Variants in SUFU observed in about 807,000 individuals in gnomAD.
SUFU encodes SUFU negative regulator of hedgehog signaling.
Under a neutral mutation model 58.9 loss-of-function variants are expected in SUFU, and 7 were observed. The observed-to-expected ratio is 0.12, with a 90% CI of 0.07 to 0.22. The LOEUF is 0.22. SUFU is among the 10% of genes least tolerant of loss of function. SUFU has a pLI of 1.00. For missense variants in SUFU, 451 were observed against 641.3 expected (o/e 0.70, Z 3.20); for synonymous variants, 232 against 254.8 (o/e 0.91, Z 0.85).
intron 3 of SUFU, among the ~76,000 whole-genome samples, chr10:102,552,579 G>C (rs1393573773): frequency 2.6e-5 from 4 of 152,084 alleles, no homozygotes; most frequent in Admixed American, 2.6e-4. Flanking sequence ...GAAAAAAAAG[G>C]GTCATTTTTT....
rs187067190 is a variant in SUFU, at chr10:102,565,339, G to A, written c.454+15233G>A. ...CTCTGTGAGATTTCAGAGGTCCCGA[G>A]AAATGAGTTGCCTTAGCTGGGTCCT... On this transcript the variant is annotated intron_variant, in intron 3 of 11. Coordinates refer to ENST00000369902, the MANE Select transcript of SUFU (RefSeq NM_016169.4). 2.5e-3 allele frequency among the ~76,000 whole-genome samples: 385 copies of A among 152,318 alleles called. 2 individuals carry two copies. Among genetic ancestry groups the A allele is most frequent in the Middle Eastern group, 3.4e-3 (1 of 294 alleles).
Position 102,551,915 on chromosome 10 carries a change from C to T in SUFU, c.454+1809C>T, listed in dbSNP as rs913298472. Among the ~76,000 whole-genome samples the T allele has an allele frequency of 4.6e-5, 7 of 151,022 alleles. 1 individual carries two copies. The highest frequency in any genetic ancestry group is 7.4e-5 in the Non-Finnish European group (5 of 67,788). The stretch of plus-strand genomic sequence containing the variant: ...AATTTTTTGTATATTTTAGTAGAGA[C>T]GGGGTTTCACCTTGTTAGCCAGGAC... On this transcript the variant is annotated intron_variant, in intron 3 of 11. Transcript: ENST00000369902.
intron 2 of SUFU, among the ~76,000 whole-genome samples, chr10:102,523,104 G>A (rs4919656): frequency 0.12 from 17,630 of 152,148 alleles, 1,487 homozygotes; most frequent in East Asian, 0.42. Flanking sequence ...CGAGATCATA[G>A]CTTCACAGCA....
Position 102,525,179 on chromosome 10 carries a change from C to T in SUFU, c.317+15876C>T, listed in dbSNP as rs547397775. Among the ~76,000 whole-genome samples the T allele has an allele frequency of 4.7e-5, 7 of 150,058 alleles. No individual in the cohort carries two copies. In the East Asian group the frequency reaches 8.1e-4, roughly 17 times the overall value. On this transcript the variant is annotated intron_variant, in intron 2 of 11. Coordinates refer to ENST00000369902, the MANE Select transcript of SUFU (RefSeq NM_016169.4). ...AGGCTGGAGTGCGGTAGTGTAATCT[C>T]GGCTCACTGCAACCTCCACCTCCTG...
At chr10:102,551,933 G>T (rs1043416964) in intron 3 of SUFU, among the ~76,000 whole-genome samples, 2 of 151,406 alleles carry the variant, frequency 1.3e-5, no homozygotes, top group Admixed American at 6.6e-5. Flanking sequence ...CACCTTGTTA[G>T]CCAGGACGGT....
rs760955559 is a variant in SUFU at position 102,592,564 on chromosome 10, C to T, written c.455-18C>T. 7 of 1,613,694 alleles carry T rather than the reference C, an allele frequency of 4.3e-6. No individual in the cohort carries two copies. The Admixed American group carries it at 6.7e-5, about 15-fold the overall frequency. On this transcript the variant is annotated intron_variant, in intron 3 of 11. Coordinates refer to ENST00000369902, the MANE Select transcript of SUFU (RefSeq NM_016169.4). Reference sequence around the variant, plus strand: ...TCTGGGGCCTTGAACAATGAGGATCCTTGTATCTCTCCCACAGAGAACACC... The same window carrying T: ...TCTGGGGCCTTGAACAATGAGGATCTTTGTATCTCTCCCACAGAGAACACC...
intron 2 of SUFU, among the ~76,000 whole-genome samples, chr10:102,538,794 G>T (rs1414059354): frequency 6.6e-6 from 1 of 152,140 alleles, no homozygotes; most frequent in Non-Finnish European, 1.5e-5. Flanking sequence ...GATAAGAAGA[G>T]AAGTAAACTC....
chr10:102,608,053 C>G (rs866731136), intron 8 of SUFU, among the ~76,000 whole-genome samples: 3 of 151,684 alleles, frequency 2.0e-5, no homozygotes, highest in African/African-American at 7.3e-5. Flanking sequence ...GATAAAACCC[C>G]ATCTCTACAA....
At chr10:102,624,241 A>G (rs1379529055) in intron 10 of SUFU, among the ~76,000 whole-genome samples, 1 of 152,208 alleles carries the variant, frequency 6.6e-6, no homozygotes, top group Non-Finnish European at 1.5e-5. Flanking sequence ...CTTTTCCCAC[A>G]GTTGCATCAC....
Position 102,632,674 on chromosome 10 carries a change from G to C in SUFU, c.*2519G>C, listed in dbSNP as rs2063847595. 2 of 233,208 alleles carry C rather than the reference G, an allele frequency of 8.6e-6. No homozygotes were observed. Among genetic ancestry groups the C allele is most frequent in the Non-Finnish European group, 1.7e-5 (2 of 118,094 alleles). 14.4% of individuals were successfully genotyped at this position (233,208 alleles called of 1,614,324 possible). The stretch of plus-strand genomic sequence containing the variant: ...GGAGCCCCTGACCTTGTAGTGGGTG[G>C]AGGAGGTAAGGGGCCTCCCTCCCTA... On this transcript the variant is annotated 3_prime_UTR_variant, in exon 12 of 12. Coordinates refer to ENST00000369902, the MANE Select transcript of SUFU (RefSeq NM_016169.4).
chr10:102,546,310 CAGTT>C (rs1387446480), intron 2 of SUFU, among the ~76,000 whole-genome samples: 3 of 152,066 alleles, frequency 2.0e-5, no homozygotes, highest in Non-Finnish European at 4.4e-5. Context: ...TGCAATAAGA[CAGTT>C]AGAACCCCTT....
intron 6 of SUFU, among the ~76,000 whole-genome samples, chr10:102,595,530 T>C (rs1057394210): frequency 6.6e-6 from 1 of 152,180 alleles, no homozygotes; most frequent in African/African-American, 2.4e-5. Flanking sequence ...AAGTGCCAAG[T>C]ACTAAGAAAG....
intron 2 of SUFU, among the ~76,000 whole-genome samples, chr10:102,547,098 T>G (rs1055755869): frequency 6.6e-6 from 1 of 152,224 alleles, no homozygotes; most frequent in African/African-American, 2.4e-5. Context: ...GTTTTTGTGG[T>G]TAGAAATCAT....
At chr10:102,536,148 G>T (rs1205909612) in intron 2 of SUFU, among the ~76,000 whole-genome samples, 1 of 151,452 alleles carries the variant, frequency 6.6e-6, no homozygotes, top group African/African-American at 2.4e-5. Flanking sequence ...TGTATTTTTA[G>T]TGGAGACGGT....
At chr10:102,587,735 C>G (rs1396610130) in intron 3 of SUFU, among the ~76,000 whole-genome samples, 3 of 152,162 alleles carry the variant, frequency 2.0e-5, no homozygotes, top group African/African-American at 7.2e-5. Context: ...CTCAGGTGAT[C>G]TGCCCACCTC....
intron 10 of SUFU, among the ~76,000 whole-genome samples, chr10:102,626,800 CTTTAA>C (rs2063790470): frequency 6.6e-6 from 1 of 152,110 alleles, no homozygotes; most frequent in African/African-American, 2.4e-5. Context: ...TGGGCAGCAG[CTTTAA>C]TTTAATTTTT....
intron 2 of SUFU, among the ~76,000 whole-genome samples, chr10:102,542,571 G>C (rs1187230434): frequency 6.6e-6 from 1 of 151,342 alleles, no homozygotes; most frequent in African/African-American, 2.4e-5. Context: ...CACCATGCCT[G>C]GCTCCTATCT....
At chr10:102,541,705 T>TCA (rs2062802474) in intron 2 of SUFU, among the ~76,000 whole-genome samples, 1 of 135,546 alleles carries the variant, frequency 7.4e-6, no homozygotes, top group African/African-American at 2.7e-5. Flanking sequence ...GGCTTTTTTT[T>TCA]TTTTTTTTTT....
At chr10:102,610,092 C>T (rs895339958) in intron 8 of SUFU, among the ~76,000 whole-genome samples, 14 of 152,014 alleles carry the variant, frequency 9.2e-5, no homozygotes, top group African/African-American at 2.7e-4. Flanking sequence ...GAAATGCCTA[C>T]CTGGCTGGGC....
Sources: gnomAD v4.1 joint callset for allele counts (sites outside exome capture counted in the v4.1 genomes callset) on GRCh38, gnomAD v4.1.1 for gene constraint, MANE v1.5 for transcripts, NCBI Gene and HGNC (gene_info 2026-07-23, HGNC 2026-07-21) for gene names.